The following NUDT5 variants were observed in gnomAD, a reference collection of about 807,000 sequenced individuals.
NUDT5 encodes ADP-sugar pyrophosphatase.
Under a neutral mutation model 34.1 loss-of-function variants are expected in NUDT5, and 21 were observed. That is an observed-to-expected ratio of 0.62 (90% CI 0.44 to 0.89). The LOEUF (loss-of-function observed/expected upper bound fraction) is 0.89, where lower values mean the gene tolerates loss of function less well. NUDT5 is among the 40% of genes least tolerant of loss of function. NUDT5 has a pLI of 0.00. For missense variants in NUDT5, 249 were observed against 274.8 expected (o/e 0.91, Z 0.66); for synonymous variants, 85 against 97.6 (o/e 0.87, Z 0.76).
chr10:12,188,351 C>T (rs558991049), intron 1 of NUDT5, among the ~76,000 whole-genome samples: 48 of 152,306 alleles, frequency 3.2e-4, no homozygotes, highest in Non-Finnish European at 5.6e-4. Context: ...TCATAAAGTG[C>T]GTTTACAAAT....
chr10:12,178,989 C>T (rs960344790), intron 4 of NUDT5, 94 bp downstream of exon 4: 1 of 1,026,300 alleles, frequency 9.7e-7, no homozygotes, highest in Non-Finnish European at 1.5e-6. Context: ...ACACAACATC[C>T]TAATAGAAGT....
chr10:12,186,626 TTTTTTC>T lies in NUDT5; in HGVS notation c.-41-300_-41-295del, dbSNP rs1293132170. On this transcript the variant is annotated intron_variant, in intron 1 of 9. Coordinates refer to ENST00000491614, the MANE Select transcript of NUDT5 (RefSeq NM_014142.4). Reference sequence around the variant, plus strand: ...TTCTTCATCAGATTTTTCTTTTTTTTTTTTTCTTTTTTGTTTTTTTTGAGAGAGTCT... The same window carrying T: ...TTCTTCATCAGATTTTTCTTTTTTTTTTTTTTGTTTTTTTTGAGAGAGTCT... Among the ~76,000 whole-genome samples, 10 of 126,708 alleles carry T rather than the reference TTTTTTC, an allele frequency of 7.9e-5. 1 individual carries two copies. The highest frequency in any genetic ancestry group is 2.3e-4 in the East Asian group (1 of 4,434). The allele number at this position is 126,708 out of a possible 152,430, so 83.1% of individuals were successfully genotyped here. A position where few individuals can be genotyped will look rare whatever the true frequency, so the allele number is the denominator to read the frequency against.
At chr10:12,177,012 C>T (rs1260013647) in intron 5 of NUDT5, among the ~76,000 whole-genome samples, 2 of 151,662 alleles carry the variant, frequency 1.3e-5, no homozygotes, top group East Asian at 3.9e-4. Context: ...ATCCCAGCTA[C>T]TCAGGAGGCT....
At chr10:12,194,790 A>G (rs1177780229) in intron 1 of NUDT5, among the ~76,000 whole-genome samples, 1 of 152,220 alleles carries the variant, frequency 6.6e-6, no homozygotes. Context: ...TGTACATTTA[A>G]GGAGATACTT....
chr10:12,186,563 C>T (rs934234488), intron 1 of NUDT5, among the ~76,000 whole-genome samples: 2 of 152,068 alleles, frequency 1.3e-5, no homozygotes, highest in East Asian at 3.8e-4. Context: ...AACAGCCAAG[C>T]TCCTGCCATG....
chr10:12,194,418 C>A (rs1033496188), intron 1 of NUDT5, among the ~76,000 whole-genome samples: 1 of 152,250 alleles, frequency 6.6e-6, no homozygotes, highest in African/African-American at 2.4e-5. Flanking sequence ...ACCCTCCAGA[C>A]ATATATACAA....
intron 3 of NUDT5, 76 bp from the exon 4 acceptor site, chr10:12,179,208 GA>G: frequency 8.1e-7 from 1 of 1,240,386 alleles, no homozygotes; most frequent in Non-Finnish European, 1.2e-6. Context: ...TGTACAACCA[GA>G]ACTTCTTAAA....
Position 12,181,637 on chromosome 10 carries a change from T to TGACC in NUDT5, c.132-2509_132-2506dup, listed in dbSNP as rs1191139895. On this transcript the variant is annotated intron_variant, in intron 3 of 9. Transcript: ENST00000491614. This position sits in a 1 kb window ranked among gnomAD's most constrained non-coding sequence, Gnocchi z 5.0. ...TCCGGTCTGCACACATGCCATTTCA[T>TGACC]GACCCTCTGTGGGAGTACCTGCAGA... Among the ~76,000 whole-genome samples the TGACC allele has an allele frequency of 6.6e-6, 1 of 152,004 alleles. No individual in the cohort carries two copies. The highest frequency in any genetic ancestry group is 1.9e-4 in the East Asian group (1 of 5,180).
intron 1 of NUDT5, among the ~76,000 whole-genome samples, chr10:12,191,686 TGATGACCCTAG>T (rs1316094982): frequency 6.6e-6 from 1 of 152,120 alleles, no homozygotes; most frequent in Admixed American, 6.6e-5. Context: ...GAGGAATTCA[TGATGACCCTAG>T]GAAACATAGT....
At position 12,166,721 on chromosome 10, in the gene NUDT5, A is replaced by G. The variant is rs1321745916; in HGVS notation, c.*981T>C. 2.0e-6 allele frequency: 1 copy of G among 511,060 alleles called. No individual in the cohort carries two copies. The highest frequency in any genetic ancestry group is 4.0e-6 in the Non-Finnish European group (1 of 249,122). 31.7% of individuals were successfully genotyped at this position (511,060 alleles called of 1,614,324 possible). ...GGGGGCCAGACTGGAAAGTCCTGGA[A>G]AATCATGGAGCTGCTGGAGGCCCTA... On this transcript the variant is annotated 3_prime_UTR_variant, in exon 10 of 10. Transcript: ENST00000491614.
chr10:12,186,128 C>T (rs1437221241), intron 2 of NUDT5, 101 bp downstream of exon 2: 55 of 987,440 alleles, frequency 5.6e-5, no homozygotes, highest in Non-Finnish European at 8.0e-5. Context: ...TTACAACTGT[C>T]TTCAAGAATG....
intron 5 of NUDT5, among the ~76,000 whole-genome samples, chr10:12,174,205 G>A (rs1021952399): frequency 6.6e-6 from 1 of 150,804 alleles, no homozygotes. Flanking sequence ...GCTGCACTAC[G>A]TTAGGAGAAT....
chr10:12,191,159 G>A (rs1835221065), intron 1 of NUDT5, among the ~76,000 whole-genome samples: 1 of 151,972 alleles, frequency 6.6e-6, no homozygotes, highest in Non-Finnish European at 1.5e-5. Context: ...CGAGGCGGGT[G>A]GATCACGAGG....
intron 7 of NUDT5, among the ~76,000 whole-genome samples, chr10:12,172,154 A>G (rs960576230): frequency 6.6e-6 from 1 of 152,246 alleles, no homozygotes; most frequent in Non-Finnish European, 1.5e-5. Context: ...CCCCCTTTAA[A>G]AGGATGGGAG....
intron 1 of NUDT5, among the ~76,000 whole-genome samples, chr10:12,192,079 A>G (rs1393543763): frequency 1.3e-5 from 2 of 152,198 alleles, no homozygotes; most frequent in East Asian, 1.9e-4. Context: ...AACCAAATAC[A>G]AGATGCAGGA....
Position 12,177,806 on chromosome 10 carries a change from T to C in NUDT5, c.276A>G (p.Ile92Met). 6.2e-7 allele frequency: 1 copy of C among 1,612,970 alleles called. No individual in the cohort carries two copies. Among genetic ancestry groups the C allele is most frequent in the Non-Finnish European group, 8.5e-7 (1 of 1,178,862 alleles). The change falls in exon 5 of 10, where the codon ATA (isoleucine) becomes ATG (methionine). Residue 92 changes from isoleucine (I) to methionine (M), a missense_variant. By Grantham distance (10) the Ile-to-Met change is conservative. Coordinates refer to ENST00000491614, the MANE Select transcript of NUDT5 (RefSeq NM_014142.4). ...TGAGTGACTCACCTGCAGGGAACTC[T>C]ATGCAGTAGCCCCCCATTGGTGGTC... The part of the protein sequence containing the change: ...QFRPPMGGYC[I>M]EFPAGLIDDG...
rs1157774133 is a variant in NUDT5 at position 12,168,632 on chromosome 10, T to C, written c.551-821A>G. Among the ~76,000 whole-genome samples, 1 of 152,210 alleles carries C rather than the reference T, an allele frequency of 6.6e-6. No individual in the cohort carries two copies. The highest frequency in any genetic ancestry group is 2.4e-5 in the African/African-American group (1 of 41,458). On this transcript the variant is annotated intron_variant, in intron 9 of 9. Coordinates refer to ENST00000491614, the MANE Select transcript of NUDT5 (RefSeq NM_014142.4). The surrounding 1 kb of genome is among the most constrained non-coding windows in gnomAD (Gnocchi z 4.8). The stretch of plus-strand genomic sequence containing the variant: ...GCCAGATGTAAAATCAGCCTCTTGT[T>C]TTCCTAGCCGCTTGTTTGGGAACAA...
intron 4 of NUDT5, 114 bp from the exon 5 acceptor site, chr10:12,178,014 T>A (rs966268162): frequency 6.2e-6 from 4 of 649,712 alleles, no homozygotes; most frequent in Middle Eastern, 2.5e-4. Flanking sequence ...CGTTTTAATC[T>A]ACAATACTGG....
At chr10:12,172,637 A>G (rs1381820469) in intron 7 of NUDT5, 128 bp downstream of exon 7, 1 of 659,842 alleles carries the variant, frequency 1.5e-6, no homozygotes, top group African/African-American at 1.8e-5. Flanking sequence ...AAGAATACTG[A>G]TGAAGTCTAT....
Sources: allele counts gnomAD v4.1 joint callset (sites outside exome capture counted in the v4.1 genomes callset), GRCh38; gene constraint gnomAD v4.1.1; non-coding constraint Gnocchi (gnomAD v3.1); transcripts MANE v1.5; gene names NCBI Gene and HGNC (gene_info 2026-07-23, HGNC 2026-07-21).